Variants in GULP1 observed in about 807,000 individuals in gnomAD.
GULP1 encodes GULP PTB domain containing engulfment adaptor 1.
GULP1 carries 19 observed loss-of-function variants against 40.9 expected under a neutral mutation model. The observed-to-expected ratio is 0.46, with a 90% CI of 0.32 to 0.68. The LOEUF (loss-of-function observed/expected upper bound fraction) is 0.68. Ranked by LOEUF, GULP1 falls within the 30% of genes least tolerant of loss-of-function variation. The probability of loss-of-function intolerance (pLI) is 0.03; values close to 1 mark genes in which losing one functional copy is unlikely to be tolerated. For synonymous variants in GULP1, 119 were observed against 117.6 expected (o/e 1.01, Z -0.08); for missense variants, 312 against 362.2 (o/e 0.86, Z 1.12).
intron 2 of GULP1, among the ~76,000 whole-genome samples, chr2:188,412,941 AT>A (rs544414539): frequency 6.6e-6 from 1 of 152,032 alleles, no homozygotes; most frequent in African/African-American, 2.4e-5. Context: ...AACTTACCAA[AT>A]TTTTTTTAAA....
intron 9 of GULP1, among the ~76,000 whole-genome samples, chr2:188,581,501 C>T (rs1259015739): frequency 1.3e-5 from 2 of 152,082 alleles, no homozygotes; most frequent in Non-Finnish European, 2.9e-5. Flanking sequence ...TTTAATTGGC[C>T]ACTGTGACAT....
intron 1 of GULP1, among the ~76,000 whole-genome samples, chr2:188,370,332 A>G (rs775388033): frequency 6.6e-6 from 1 of 152,096 alleles, no homozygotes; most frequent in East Asian, 1.9e-4. Flanking sequence ...TGGACAATCT[A>G]TGGTACCTAG....
intron 1 of GULP1, among the ~76,000 whole-genome samples, chr2:188,303,326 G>A (rs747946508): frequency 1.3e-5 from 2 of 152,118 alleles, no homozygotes; most frequent in African/African-American, 2.4e-5. Flanking sequence ...ATTATTGCTC[G>A]CTTTAGCTGA....
intron 1 of GULP1, among the ~76,000 whole-genome samples, chr2:188,361,421 A>G (rs1181138201): frequency 6.6e-6 from 1 of 150,376 alleles, no homozygotes. Context: ...GGCAGGAGAG[A>G]AGAGAGAGAG....
intron 2 of GULP1, among the ~76,000 whole-genome samples, chr2:188,391,511 G>C (rs2050520767): frequency 6.6e-6 from 1 of 151,968 alleles, no homozygotes; most frequent in Non-Finnish European, 1.5e-5. Context: ...GTCTTTTGGA[G>C]AAGTCTTCAT....
intron 1 of GULP1, among the ~76,000 whole-genome samples, chr2:188,299,223 AAGG>A (rs2035666082): frequency 8.5e-6 from 1 of 117,668 alleles, no homozygotes; most frequent in Non-Finnish European, 1.9e-5. Flanking sequence ...GCAGGTGACT[AAGG>A]AGGGAGCAGG....
rs376993631 is a variant in GULP1 at position 188,544,649 on chromosome 2, G to A, written c.399+3331G>A. ...GAGAGGTCAAAGGAAAAGAATCAATGACCTGGAAGACTGACAAATAGAAAA... is the reference window on the plus strand; with the variant it reads ...GAGAGGTCAAAGGAAAAGAATCAATAACCTGGAAGACTGACAAATAGAAAA... On this transcript the variant is annotated intron_variant, in intron 7 of 11. Transcript: ENST00000409830. Among the ~76,000 whole-genome samples the A allele has an allele frequency of 4.6e-5, 7 of 151,968 alleles. No individual in the cohort carries two copies. In the East Asian group the frequency reaches 1.2e-3, roughly 25 times the overall value.
chr2:188,456,127 G>T (rs570505869), intron 2 of GULP1, among the ~76,000 whole-genome samples: 2 of 152,292 alleles, frequency 1.3e-5, no homozygotes, highest in East Asian at 3.9e-4. Context: ...GAGCTTAAAC[G>T]TTTGGAAAAT....
intron 2 of GULP1, among the ~76,000 whole-genome samples, chr2:188,393,163 C>A (rs1490028778): frequency 6.6e-6 from 1 of 151,516 alleles, no homozygotes; most frequent in Non-Finnish European, 1.5e-5. Context: ...TTATCTAGTG[C>A]TGTCAGTGCC....
chr2:188,378,565 G>A (rs2048603321), intron 1 of GULP1, among the ~76,000 whole-genome samples: 1 of 152,190 alleles, frequency 6.6e-6, no homozygotes, highest in South Asian at 2.1e-4. Context: ...TGCTTCTGGT[G>A]AGGACTTTAG....
intron 1 of GULP1, among the ~76,000 whole-genome samples, chr2:188,321,428 A>G (rs374161576): frequency 6.6e-6 from 1 of 152,154 alleles, no homozygotes; most frequent in Non-Finnish European, 1.5e-5. Flanking sequence ...ACTGAGTCTA[A>G]TACAATAGAC....
intron 1 of GULP1, among the ~76,000 whole-genome samples, chr2:188,359,233 G>T (rs1327479657): frequency 2.0e-5 from 3 of 151,994 alleles, no homozygotes; most frequent in African/African-American, 7.2e-5. Flanking sequence ...TCTTTCAAAA[G>T]ATATTTATTG....
intron 2 of GULP1, among the ~76,000 whole-genome samples, chr2:188,475,371 A>G (rs2060926130): frequency 6.6e-6 from 1 of 152,042 alleles, no homozygotes; most frequent in African/African-American, 2.4e-5. Flanking sequence ...GCTCCAATGA[A>G]CTTTATATAA....
At chr2:188,385,108 C>T (rs1252057072) in intron 2 of GULP1, among the ~76,000 whole-genome samples, 2 of 152,172 alleles carry the variant, frequency 1.3e-5, no homozygotes, top group African/African-American at 2.4e-5. Context: ...GCTCTGACCC[C>T]ACATTTGCCT....
intron 7 of GULP1, among the ~76,000 whole-genome samples, chr2:188,557,727 G>A (rs1371610556): frequency 6.6e-6 from 1 of 152,230 alleles, no homozygotes; most frequent in East Asian, 1.9e-4. Flanking sequence ...CCCCCAATGG[G>A]GAGTCTGTGT....
intron 2 of GULP1, among the ~76,000 whole-genome samples, chr2:188,399,216 T>C (rs529635072): frequency 6.6e-6 from 1 of 152,230 alleles, no homozygotes; most frequent in African/African-American, 2.4e-5. Context: ...GATGAAACAG[T>C]TCTCAGAAAA....
chr2:188,296,208 G>A (rs2034895708), intron 1 of GULP1, among the ~76,000 whole-genome samples: 1 of 152,004 alleles, frequency 6.6e-6, no homozygotes, highest in Non-Finnish European at 1.5e-5. Context: ...ACTCAGATTG[G>A]AAGAGGAAAA....
At chr2:188,363,615 C>G (rs1326671303) in intron 1 of GULP1, among the ~76,000 whole-genome samples, 1 of 152,076 alleles carries the variant, frequency 6.6e-6, no homozygotes, top group African/African-American at 2.4e-5. Context: ...TTATTAATCT[C>G]TGACACTAAT....
chr2:188,479,649 T>A (rs534412234), intron 3 of GULP1, among the ~76,000 whole-genome samples: 4 of 152,262 alleles, frequency 2.6e-5, no homozygotes, highest in African/African-American at 7.2e-5. Flanking sequence ...AACTTATTTT[T>A]AATAAATACT....
Sources: allele counts gnomAD v4.1 joint callset (sites outside exome capture counted in the v4.1 genomes callset), GRCh38; gene constraint gnomAD v4.1.1; transcripts MANE v1.5; gene names NCBI Gene and HGNC (gene_info 2026-07-23, HGNC 2026-07-21).